DCC: variants seen among roughly 807,000 people sequenced by gnomAD.
The protein encoded by DCC is DCC netrin 1 receptor.
DCC carries 58 observed loss-of-function variants against 172.5 expected under a neutral mutation model. That is an observed-to-expected ratio of 0.34 (90% CI 0.27 to 0.42). The LOEUF (loss-of-function observed/expected upper bound fraction) is 0.42. Among genes scored for constraint, DCC ranks in the 10% least tolerant of loss-of-function variants. The pLI, the probability that DCC is intolerant of heterozygous loss-of-function variation, is 1.00. For missense variants in DCC, 1,740 were observed against 1,791.0 expected (o/e 0.97, Z 0.51); for synonymous variants, 709 against 644.5 (o/e 1.10, Z -1.52).
At chr18:52,403,910 T>A (rs1986536716) in intron 1 of DCC, among the ~76,000 whole-genome samples, 1 of 152,124 alleles carries the variant, frequency 6.6e-6, no homozygotes, top group East Asian at 1.9e-4. Context: ...TGATTTGGAA[T>A]TCTCTGTGTC....
chr18:52,439,997 T>C (rs556019860), intron 1 of DCC, among the ~76,000 whole-genome samples: 5 of 152,328 alleles, frequency 3.3e-5, no homozygotes, highest in African/African-American at 1.2e-4. Flanking sequence ...GCAATGTCAC[T>C]GGGACAAGTT....
intron 22 of DCC, among the ~76,000 whole-genome samples, chr18:53,436,765 T>TA (rs1250981162): frequency 6.6e-6 from 1 of 152,170 alleles, no homozygotes; most frequent in Non-Finnish European, 1.5e-5. Flanking sequence ...CTGCTGCTAT[T>TA]AAAAAATACC....
At chr18:52,548,899 T>C (rs2032689517) in intron 1 of DCC, among the ~76,000 whole-genome samples, 1 of 152,104 alleles carries the variant, frequency 6.6e-6, no homozygotes, top group Non-Finnish European at 1.5e-5. Context: ...GTTTAGACAT[T>C]GAGATTCTAA....
chr18:53,348,260 T>C (rs2057747750), intron 15 of DCC, among the ~76,000 whole-genome samples: 1 of 152,178 alleles, frequency 6.6e-6, no homozygotes, highest in South Asian at 2.1e-4. Context: ...AACAAAGGGC[T>C]ATAGGCCCCA....
chr18:52,952,736 G>A (rs1053824484), intron 5 of DCC, among the ~76,000 whole-genome samples: 24 of 151,984 alleles, frequency 1.6e-4, no homozygotes, highest in East Asian at 1.6e-3. Context: ...ATGGTTGTTC[G>A]TGCCTATAAT....
At chr18:52,979,465 A>G (rs1308025206) in intron 5 of DCC, among the ~76,000 whole-genome samples, 1 of 152,196 alleles carries the variant, frequency 6.6e-6, no homozygotes, top group African/African-American at 2.4e-5. Context: ...ACACTGATCC[A>G]ACTTTCTCAA....
At chr18:53,348,811 G>A (rs998588519) in intron 15 of DCC, among the ~76,000 whole-genome samples, 1 of 152,086 alleles carries the variant, frequency 6.6e-6, no homozygotes, top group African/African-American at 2.4e-5. Flanking sequence ...GGAACACAAG[G>A]CACCAAGTCC....
At chr18:53,481,176 C>G (rs1456510645) in intron 25 of DCC, 2 of 152,190 alleles carry the variant, frequency 1.3e-5, no homozygotes, top group Non-Finnish European at 2.9e-5. Flanking sequence ...CTGCCACATT[C>G]TACTGCTCAC....
chr18:53,181,379 A>G (rs2055193437), intron 9 of DCC, among the ~76,000 whole-genome samples: 6 of 151,604 alleles, frequency 4.0e-5, no homozygotes. Context: ...TCAACTTAAG[A>G]AAGCAATTTT....
At chr18:52,786,315 G>A (rs1169015988) in intron 2 of DCC, among the ~76,000 whole-genome samples, 1 of 151,876 alleles carries the variant, frequency 6.6e-6, no homozygotes, top group Non-Finnish European at 1.5e-5. Flanking sequence ...CCAAGCTGCA[G>A]GAAATCACCA....
chr18:53,369,970 CAT>C (rs1470487093), intron 15 of DCC, among the ~76,000 whole-genome samples: 2 of 151,654 alleles, frequency 1.3e-5, no homozygotes, highest in Non-Finnish European at 3.0e-5. Context: ...ATGCTGGCCT[CAT>C]AGAATGAGTT....
At chr18:52,485,859 AAAT>A (rs1366281077) in intron 1 of DCC, among the ~76,000 whole-genome samples, 9 of 152,308 alleles carry the variant, frequency 5.9e-5, no homozygotes, top group African/African-American at 2.2e-4. Context: ...ATCAAAAATA[AAAT>A]AATTTTTATT....
In DCC at chr18:53,256,796, C is replaced by A. The variant is rs567459737; in HGVS notation, c.1911+41199C>A. 5.3e-5 allele frequency among the ~76,000 whole-genome samples: 8 copies of A among 152,274 alleles called. No individual in the cohort carries two copies. In the East Asian group the frequency reaches 1.4e-3, roughly 26 times the overall value. On this transcript the variant is annotated intron_variant, in intron 12 of 28. Transcript: ENST00000442544. ...AGATGGCATTGAATCTATAAATTAC[C>A]TTGGGCAGTATGGCCATTTTTACAA...
At chr18:53,444,794 G>A (rs1224398323) in intron 22 of DCC, among the ~76,000 whole-genome samples, 1 of 152,172 alleles carries the variant, frequency 6.6e-6, no homozygotes, top group African/African-American at 2.4e-5. Flanking sequence ...ATTCCAGTGT[G>A]TGGAACCAAA....
At chr18:52,894,777 T>G (rs530923089) in intron 2 of DCC, among the ~76,000 whole-genome samples, 432 of 152,264 alleles carry the variant, frequency 2.8e-3, no homozygotes, top group Non-Finnish European at 4.7e-3. Flanking sequence ...AAGATGAATT[T>G]TCTTTTATTC....
intron 1 of DCC, among the ~76,000 whole-genome samples, chr18:52,729,242 T>C (rs770752766): frequency 6.6e-6 from 1 of 152,094 alleles, no homozygotes; most frequent in Non-Finnish European, 1.5e-5. Flanking sequence ...TCCCTTAACA[T>C]TTGTCTTCTC....
At chr18:52,607,860 G>A (rs952436579) in intron 1 of DCC, among the ~76,000 whole-genome samples, 28 of 152,190 alleles carry the variant, frequency 1.8e-4, no homozygotes, top group Non-Finnish European at 2.5e-4. Flanking sequence ...AGAGAAACAG[G>A]GAGGTTTTCT....
At chr18:53,009,617 CTG>C (rs369421759) in intron 5 of DCC, among the ~76,000 whole-genome samples, 13 of 151,848 alleles carry the variant, frequency 8.6e-5, no homozygotes, top group African/African-American at 2.7e-4. Context: ...GTTTCTCTAT[CTG>C]TATAGGTCAT....
intron 1 of DCC, among the ~76,000 whole-genome samples, chr18:52,442,277 T>C (rs1293393473): frequency 1.3e-5 from 2 of 152,298 alleles, no homozygotes; most frequent in Admixed American, 6.5e-5. Context: ...GCTAACACCA[T>C]GAAGAAATGG....
Sources: gnomAD v4.1 joint callset for allele counts (sites outside exome capture counted in the v4.1 genomes callset) on GRCh38, gnomAD v4.1.1 for gene constraint, MANE v1.5 for transcripts, NCBI Gene and HGNC (gene_info 2026-07-23, HGNC 2026-07-21) for gene names.